CRYBG1: variants seen among roughly 807,000 people sequenced by gnomAD.
CRYBG1 encodes crystallin beta-gamma domain containing 1.
Under a neutral mutation model 189.2 loss-of-function variants are expected in CRYBG1, and 139 were observed. That is an observed-to-expected ratio of 0.73 (90% CI 0.64 to 0.85). The LOEUF (loss-of-function observed/expected upper bound fraction) is 0.85, where lower values mean the gene tolerates loss of function less well. Among genes scored for constraint, CRYBG1 ranks in the 40% least tolerant of loss-of-function variants. The pLI is 0.00. For missense variants in CRYBG1, 2,611 were observed against 2,675.8 expected, an observed-to-expected ratio of 0.98 and a Z score of 0.53; for synonymous variants, 1,023 against 1,017.1, an observed-to-expected ratio of 1.01 and a Z score of -0.11.
chr6:106,525,901 G>A (rs1303473673), intron 6 of CRYBG1, among the ~76,000 whole-genome samples: 1 of 152,128 alleles, frequency 6.6e-6, no homozygotes, highest in Non-Finnish European at 1.5e-5. Context: ...ACAGTTCAAT[G>A]CAGCACTAAC....
chr6:106,511,421 A>C lies in CRYBG1; in HGVS notation c.313-9A>C. The stretch of plus-strand genomic sequence containing the variant: ...CATATGTTCCCTCCTCATCCCTTTT[A>C]TTTTTCAGTCCAGAGCACAACCTCC... On this transcript the variant is annotated splice_polypyrimidine_tract_variant and intron_variant, in intron 2 of 21. Coordinates refer to ENST00000633556, the MANE Select transcript of CRYBG1 (RefSeq NM_001371242.2). 1 of 1,529,006 alleles carries C rather than the reference A, an allele frequency of 6.5e-7. No homozygotes were observed. The highest frequency in any genetic ancestry group is 8.7e-7 in the Non-Finnish European group (1 of 1,143,224). 94.7% of individuals were successfully genotyped at this position (1,529,006 alleles called of 1,614,324 possible). A position where few individuals can be genotyped will look rare whatever the true frequency, so the allele number is the denominator to read the frequency against.
At chr6:106,411,551 C>A (rs1770927910) in intron 1 of CRYBG1, among the ~76,000 whole-genome samples, 1 of 152,104 alleles carries the variant, frequency 6.6e-6, no homozygotes, top group Non-Finnish European at 1.5e-5. Context: ...AGGTGAAATT[C>A]TTCTAGTCCT....
At chr6:106,533,473 T>G (rs1404715176) in intron 8 of CRYBG1, among the ~76,000 whole-genome samples, 1 of 152,250 alleles carries the variant, frequency 6.6e-6, no homozygotes, top group African/African-American at 2.4e-5. Context: ...AGGATCAGCC[T>G]GTCTGTTCGT....
At position 106,560,914 on chromosome 6, in the gene CRYBG1, A is replaced by G; in HGVS notation, c.5967A>G (p.Arg1989=). 3 of 1,607,286 alleles carry G rather than the reference A, an allele frequency of 1.9e-6. No homozygotes were observed. Among genetic ancestry groups the G allele is most frequent in the Non-Finnish European group, 2.5e-6 (3 of 1,176,952 alleles). ...GCTGTCGCCAAATAGGTTCTCTACG[A>G]CCTTTTGTTCAGGTATTTTCTTCCT... ...FSGCRQIGSL[R]PFVQKRIYFR... is the part of the protein sequence containing the mutation. The change falls in exon 19 of 22, where the codon CGA becomes CGG. Residue 1989 remains arginine (R), a synonymous_variant. Transcript: ENST00000633556.
rs370772202 is a variant in CRYBG1, at chr6:106,526,436, C to T, written c.4413-869C>T. 3.9e-5 allele frequency among the ~76,000 whole-genome samples: 6 copies of T among 152,184 alleles called. No individual in the cohort carries two copies. The East Asian group carries it at 1.2e-3, about 29-fold the overall frequency. ...CAGTACTTTTTCCTTTCTTTTGCAA[C>T]TTTTGTCGGCTTCTTTTTCTTGAAA... On this transcript the variant is annotated intron_variant, in intron 6 of 21. Coordinates refer to ENST00000633556, the MANE Select transcript of CRYBG1 (RefSeq NM_001371242.2).
chr6:106,482,373 G>A (rs1472775266), intron 2 of CRYBG1, among the ~76,000 whole-genome samples: 1 of 115,808 alleles, frequency 8.6e-6, no homozygotes, highest in African/African-American at 3.6e-5. Context: ...CCTTTGCAGT[G>A]GAATGTAATC....
chr6:106,519,931 A>C lies in CRYBG1; in HGVS notation c.2723A>C (p.His908Pro). Residue 908 changes from histidine to proline, a missense_variant, in exon 4 of 22, where the codon CAT (histidine) becomes CCT (proline). His to Pro is a moderately conservative substitution (Grantham distance 77). Transcript: ENST00000633556. ...ACTGATCTAAAAGTGTCAGAAAACCATAAAGGATGTGTTTTGCCTGTGTCT... is the reference window on the plus strand; with the variant it reads ...ACTGATCTAAAAGTGTCAGAAAACCCTAAAGGATGTGTTTTGCCTGTGTCT... The part of the protein sequence containing the change: ...PCTDLKVSEN[H>P]KGCVLPVSRQ... 1 of 1,614,224 alleles carries C rather than the reference A, an allele frequency of 6.2e-7. No individual in the cohort carries two copies. The highest frequency in any genetic ancestry group is 8.5e-7 in the Non-Finnish European group (1 of 1,180,042).
intron 1 of CRYBG1, among the ~76,000 whole-genome samples, chr6:106,421,364 T>C (rs939666813): frequency 6.6e-6 from 1 of 152,160 alleles, no homozygotes; most frequent in Admixed American, 6.5e-5. Flanking sequence ...GGTGATGCAT[T>C]ACCCTTGCCA....
rs554277092 is a variant in CRYBG1, at chr6:106,520,491, G to A, written c.3283G>A (p.Asp1095Asn). 4.3e-6 allele frequency: 7 copies of A among 1,614,194 alleles called. No individual in the cohort carries two copies. Among genetic ancestry groups the A allele is most frequent in the Admixed American group, 3.3e-5 (2 of 60,020 alleles). The stretch of plus-strand genomic sequence containing the variant: ...CCTTTTGAACATTTCTGCTGGTAGT[G>A]ATGATAGTGTATTTGATTCTTCTTC... ...ASLLNISAGS[D>N]DSVFDSSSDM... Residue 1095 changes from aspartate (D) to asparagine (N), a missense_variant, in exon 4 of 22, where the codon GAT becomes AAT. By Grantham distance (23) the Asp-to-Asn change is conservative. Transcript: ENST00000633556.
At chr6:106,428,207 G>C (rs985362186) in intron 1 of CRYBG1, among the ~76,000 whole-genome samples, 1 of 152,030 alleles carries the variant, frequency 6.6e-6, no homozygotes, top group Non-Finnish European at 1.5e-5. Flanking sequence ...ATTCACTGTG[G>C]TAAGTCACAC....
intron 2 of CRYBG1, among the ~76,000 whole-genome samples, chr6:106,470,688 C>T (rs1482815217): frequency 2.0e-5 from 3 of 152,158 alleles, no homozygotes; most frequent in Non-Finnish European, 4.4e-5. Flanking sequence ...ACTTAGACCG[C>T]CTTTCTCAAA....
chr6:106,571,807 G>T lies in CRYBG1; in HGVS notation c.*3241G>T. 2 of 524,050 alleles carry T rather than the reference G, an allele frequency of 3.8e-6. No homozygotes were observed. The highest frequency in any genetic ancestry group is 6.8e-6 in the Non-Finnish European group (2 of 293,514). 32.5% of individuals were successfully genotyped at this position (524,050 alleles called of 1,614,324 possible). On this transcript the variant is annotated 3_prime_UTR_variant, in exon 22 of 22. Transcript: ENST00000633556. ...AAACTTCGAATTTCTACTGACTACAGACAAATCCAAGTGCTGATATTTTTA... is the reference window on the plus strand; with the variant it reads ...AAACTTCGAATTTCTACTGACTACATACAAATCCAAGTGCTGATATTTTTA...
At chr6:106,414,780 A>G (rs1770991546) in intron 1 of CRYBG1, among the ~76,000 whole-genome samples, 1 of 152,172 alleles carries the variant, frequency 6.6e-6, no homozygotes, top group Non-Finnish European at 1.5e-5. Context: ...CAGGCTTTTT[A>G]TCACTTTCTC....
At chr6:106,503,659 A>G (rs976493295) in intron 2 of CRYBG1, among the ~76,000 whole-genome samples, 2 of 152,216 alleles carry the variant, frequency 1.3e-5, no homozygotes, top group African/African-American at 4.8e-5. Context: ...ATGAATGAGT[A>G]AATGATCCTA....
intron 2 of CRYBG1, among the ~76,000 whole-genome samples, chr6:106,465,815 C>G (rs867775688): frequency 2.1e-4 from 32 of 152,258 alleles, no homozygotes; most frequent in African/African-American, 7.7e-4. Flanking sequence ...TCTATTTTTA[C>G]TTAGCCAGCT....
chr6:106,486,435 G>A (rs1772593771), intron 2 of CRYBG1, among the ~76,000 whole-genome samples: 1 of 152,090 alleles, frequency 6.6e-6, no homozygotes, highest in African/African-American at 2.4e-5. Flanking sequence ...CTATTGGATG[G>A]AATGTTCTGT....
chr6:106,430,507 C>A (rs577533910), intron 1 of CRYBG1, among the ~76,000 whole-genome samples: 4 of 152,328 alleles, frequency 2.6e-5, no homozygotes, highest in East Asian at 1.9e-4. Flanking sequence ...ATTTGGCGAA[C>A]TAAAATAATG....
chr6:106,521,956 A>T (rs570873260), intron 4 of CRYBG1, among the ~76,000 whole-genome samples: 1 of 152,106 alleles, frequency 6.6e-6, no homozygotes, highest in Admixed American at 6.5e-5. Flanking sequence ...GCTGGTCTCG[A>T]ACTCCTGACC....
intron 1 of CRYBG1, among the ~76,000 whole-genome samples, chr6:106,439,276 A>G (rs1771525933): frequency 6.6e-6 from 1 of 152,098 alleles, no homozygotes; most frequent in African/African-American, 2.4e-5. Context: ...ATTTTAATAA[A>G]ATTTAATTAT....
Sources: gnomAD v4.1 joint callset for allele counts (sites outside exome capture counted in the v4.1 genomes callset) on GRCh38, gnomAD v4.1.1 for gene constraint, MANE v1.5 for transcripts, NCBI Gene and HGNC (gene_info 2026-07-23, HGNC 2026-07-21) for gene names.